MYO7A: variants seen among roughly 807,000 people sequenced by gnomAD.
MYO7A encodes the protein myosin VIIA, also known as unconventional myosin-VIIa.
A neutral mutation model predicts 263.8 loss-of-function variants in MYO7A; 210 were observed. The observed-to-expected ratio is 0.80, with a 90% CI of 0.71 to 0.89. MYO7A has a LOEUF of 0.89. MYO7A is among the 40% of genes least tolerant of loss of function. The pLI is 0.00. For missense variants in MYO7A, 2,820 were observed against 2,968.3 expected (o/e 0.95, Z 1.16); for synonymous variants, 1,239 against 1,197.3 (o/e 1.03, Z -0.72).
chr11:77,181,496 C>G lies in MYO7A; in HGVS notation c.2811C>G (p.Val937=). The change falls in exon 23 of 49, where the codon GTC becomes GTG. Residue 937 remains valine, a synonymous_variant. Transcript: ENST00000409709. ...EQMERARHEP[V]NHSDMVDKMF... is the part of the protein sequence containing the mutation. ...TGGAAAGGGCCCGCCATGAGCCTGT[C>G]AATCACTCAGACATGGTGGACAAGA... is the stretch of plus-strand genomic sequence containing the variant. 6.2e-7 allele frequency: 1 copy of G among 1,613,448 alleles called. No homozygotes were observed. The highest frequency in any genetic ancestry group is 8.5e-7 in the Non-Finnish European group (1 of 1,179,848).
chr11:77,153,566 G>A (rs984255946), intron 4 of MYO7A, among the ~76,000 whole-genome samples: 4 of 152,292 alleles, frequency 2.6e-5, no homozygotes, highest in African/African-American at 4.8e-5. Context: ...TGGACTTCCC[G>A]TGCCTTGCAC....
At chr11:77,146,347 C>T (rs1555053649) in intron 3 of MYO7A, among the ~76,000 whole-genome samples, 1 of 152,224 alleles carries the variant, frequency 6.6e-6, no homozygotes, top group Non-Finnish European at 1.5e-5. Flanking sequence ...CCCAGAGTGA[C>T]AGGGTCAGGA....
chr11:77,189,653 C>T (rs1216085726), intron 28 of MYO7A, among the ~76,000 whole-genome samples, 183 bp downstream of exon 28: 4 of 152,234 alleles, frequency 2.6e-5, no homozygotes, highest in Admixed American at 2.0e-4. Flanking sequence ...TCCCCACACT[C>T]CCCTCAGCCC....
intron 4 of MYO7A, among the ~76,000 whole-genome samples, chr11:77,150,165 C>T (rs552866426): frequency 9.1e-4 from 139 of 152,290 alleles, no homozygotes; most frequent in African/African-American, 2.6e-3. Flanking sequence ...CAGGAGGAGG[C>T]GGAGGGCCCC....
In MYO7A at chr11:77,206,152, A is replaced by C. The variant is rs1957433793; in HGVS notation, c.5692A>C (p.Lys1898Gln). Reference sequence around the variant, plus strand: ...GGTGGAGGTGGAGGCCATCCAGCACAAGACCACCCAGATTTTCCACAAAGT... The same window carrying C: ...GGTGGAGGTGGAGGCCATCCAGCACCAGACCACCCAGATTTTCCACAAAGT... ...HLVEVEAIQH[K>Q]TTQIFHKVYF... is the part of the protein sequence containing the mutation. Residue 1898 changes from lysine to glutamine, a missense_variant, in exon 41 of 49, where the codon AAG (lysine) becomes CAG (glutamine). Physicochemically the swap from Lys to Gln is moderately conservative, Grantham distance 53 (BLOSUM62 1). Transcript: ENST00000409709. The C allele has an allele frequency of 6.2e-7, 1 of 1,613,554 alleles. No individual in the cohort carries two copies. Among genetic ancestry groups the C allele is most frequent in the Non-Finnish European group, 8.5e-7 (1 of 1,179,752 alleles).
intron 34 of MYO7A, 62 bp from the exon 35 acceptor site, chr11:77,199,473 G>T: frequency 7.0e-7 from 1 of 1,429,120 alleles, no homozygotes; most frequent in South Asian, 1.5e-5. Flanking sequence ...ATGTGTCTGA[G>T]CTGGGCCACG....
intron 45 of MYO7A, 79 bp from the exon 46 acceptor site, chr11:77,211,742 C>G (rs748560814): frequency 2.7e-6 from 3 of 1,125,714 alleles, no homozygotes; most frequent in East Asian, 2.4e-5. Context: ...GTGGGGAGGA[C>G]TCTGAGCTCT....
chr11:77,133,213 A>G (rs1207728914), intron 2 of MYO7A, among the ~76,000 whole-genome samples: 3 of 152,144 alleles, frequency 2.0e-5, no homozygotes, highest in Non-Finnish European at 2.9e-5. Flanking sequence ...TCATGAACAT[A>G]CAGGGACTGA....
intron 8 of MYO7A, 49 bp downstream of exon 8, chr11:77,157,441 G>C (rs782250825): frequency 1.5e-6 from 2 of 1,321,888 alleles, no homozygotes; most frequent in Non-Finnish European, 2.1e-6. Flanking sequence ...CCCTAGGATT[G>C]TAGGGAGCTG....
rs376209372 is a variant in MYO7A, at chr11:77,172,782, G to A, written c.1832G>A (p.Ser611Asn). The change falls in exon 16 of 49, where the codon AGC (serine) becomes AAC (asparagine). Residue 611 changes from serine to asparagine, a missense_variant. Physicochemically the swap from Ser to Asn is conservative, Grantham distance 46 (BLOSUM62 1). Transcript: ENST00000409709. The part of the protein sequence containing the change: ...AETRKRSPTL[S>N]SQFKRSLELL... ...ACCAGGAAGCGCTCGCCCACACTTA[G>A]CAGCCAGTTCAAGCGGTCACTGGAG... 62 of 1,560,160 alleles carry A rather than the reference G, an allele frequency of 4.0e-5. No homozygotes were observed. Among genetic ancestry groups the A allele is most frequent in the Non-Finnish European group, 4.9e-5 (57 of 1,152,662 alleles).
intron 2 of MYO7A, among the ~76,000 whole-genome samples, chr11:77,141,029 C>T (rs1274575459): frequency 6.6e-6 from 1 of 152,152 alleles, no homozygotes; most frequent in Non-Finnish European, 1.5e-5. Context: ...TACACAAATA[C>T]ACACTATGGA....
At chr11:77,214,481 T>A in intron 48 of MYO7A, 126 bp from the exon 49 acceptor site, 1 of 723,100 alleles carries the variant, frequency 1.4e-6, no homozygotes. Flanking sequence ...AGATAAGCCC[T>A]GAGTAGGAGG....
chr11:77,183,853 G>A (rs1273274658), intron 26 of MYO7A, among the ~76,000 whole-genome samples: 2 of 152,320 alleles, frequency 1.3e-5, no homozygotes, highest in East Asian at 1.9e-4. Flanking sequence ...GTCCCCACCT[G>A]AGGCACAAAT....
chr11:77,180,547 C>T, intron 22 of MYO7A, 66 bp downstream of exon 22: 1 of 1,383,882 alleles, frequency 7.2e-7, no homozygotes, highest in South Asian at 1.3e-5. Context: ...CCGAGGCTGG[C>T]TTCTCATCTG....
At chr11:77,155,841 A>C in intron 4 of MYO7A, 66 bp from the exon 5 acceptor site, 483 of 1,467,260 alleles carry the variant, frequency 3.3e-4, no homozygotes, top group Middle Eastern at 5.3e-4. Flanking sequence ...GCAGAGCCCA[A>C]GAGCTTTCTA....
intron 2 of MYO7A, among the ~76,000 whole-genome samples, chr11:77,137,492 G>C (rs1555047998): frequency 6.6e-6 from 1 of 152,214 alleles, no homozygotes; most frequent in Non-Finnish European, 1.5e-5. Context: ...GAGGGGAGGA[G>C]GACAAAGATA....
chr11:77,190,600 G>T lies in MYO7A; in HGVS notation c.3751-97G>T, dbSNP rs539695445. The T allele has an allele frequency of 9.5e-6, 13 of 1,368,672 alleles. No homozygotes were observed. The East Asian group carries it at 2.3e-4, about 24-fold the overall frequency. 84.8% of individuals were successfully genotyped at this position (1,368,672 alleles called of 1,614,324 possible). ...AGGTACTGGGGCCTGGGGTGCTGGG[G>T]CACCTCCAACCCCACAGAAAGCAGA... is the stretch of plus-strand genomic sequence containing the variant. On this transcript the variant is annotated intron_variant, in intron 29 of 48. Coordinates refer to ENST00000409709, the MANE Select transcript of MYO7A (RefSeq NM_000260.4).
rs1955993733 is a variant in MYO7A, at chr11:77,190,677, C to T, written c.3751-20C>T. 1.3e-6 allele frequency: 2 copies of T among 1,573,518 alleles called. No homozygotes were observed. The highest frequency in any genetic ancestry group is 1.4e-5 in the African/African-American group (1 of 73,954). On this transcript the variant is annotated intron_variant, in intron 29 of 48. Coordinates refer to ENST00000409709, the MANE Select transcript of MYO7A (RefSeq NM_000260.4). ...GTCTGAAGGGAAGGGACCCCACAAACCCTCTTGGGGCACTTCCAGGCCACC... is the reference window on the plus strand; with the variant it reads ...GTCTGAAGGGAAGGGACCCCACAAATCCTCTTGGGGCACTTCCAGGCCACC...
chr11:77,183,404 T>C (rs1361839060), intron 26 of MYO7A, among the ~76,000 whole-genome samples: 1 of 152,116 alleles, frequency 6.6e-6, no homozygotes, highest in Non-Finnish European at 1.5e-5. Context: ...CAGAGGGCAC[T>C]GAGCAGGGGA....
Sources: gnomAD v4.1 joint callset for allele counts (sites outside exome capture counted in the v4.1 genomes callset) on GRCh38, gnomAD v4.1.1 for gene constraint, MANE v1.5 for transcripts, NCBI Gene and HGNC (gene_info 2026-07-23, HGNC 2026-07-21) for gene names.